Variants in KCNC4 observed in about 807,000 individuals in gnomAD.
KCNC4 encodes the protein potassium voltage-gated channel subfamily C member 4.
A neutral mutation model predicts 42.8 loss-of-function variants in KCNC4; 23 were observed. The ratio of observed to expected loss-of-function variants is 0.54; its 90% CI spans 0.39 to 0.76. The LOEUF is 0.76. Among genes scored for constraint, KCNC4 ranks in the 30% least tolerant of loss-of-function variants. KCNC4 has a pLI of 0.00. For synonymous variants in KCNC4, 422 were observed against 393.5 expected (o/e 1.07, Z -0.86); for missense variants, 751 against 898.2 (o/e 0.84, Z 2.10).
intron 1 of KCNC4, among the ~76,000 whole-genome samples, chr1:110,265,900 A>T (rs1420300266): frequency 1.3e-5 from 2 of 152,142 alleles, no homozygotes; most frequent in African/African-American, 4.8e-5. Context: ...TTGTTCATTC[A>T]TTCATTCTTT....
At chr1:110,217,447 G>A (rs748718662) in intron 1 of KCNC4, among the ~76,000 whole-genome samples, 12 of 152,152 alleles carry the variant, frequency 7.9e-5, no homozygotes, top group South Asian at 2.1e-4. Flanking sequence ...CATATGCAGC[G>A]TTAGGGAAAG....
intron 1 of KCNC4, among the ~76,000 whole-genome samples, chr1:110,257,875 G>A (rs1451243989): frequency 6.6e-6 from 1 of 152,132 alleles, no homozygotes; most frequent in African/African-American, 2.4e-5. Context: ...GACTACAGCT[G>A]GTGTGTTAGC....
At chr1:110,225,081 A>G (rs1385461931) in intron 2 of KCNC4, 3 of 152,254 alleles carry the variant, frequency 2.0e-5, no homozygotes, top group East Asian at 1.9e-4. Flanking sequence ...ATTTGTGAAT[A>G]TTAATTTCCC....
chr1:110,277,585 G>A (rs1659746548), intron 1 of KCNC4, among the ~76,000 whole-genome samples: 1 of 152,204 alleles, frequency 6.6e-6, no homozygotes, highest in South Asian at 2.1e-4. Context: ...CATGGGAGCT[G>A]AGAGTGACAG....
chr1:110,259,330 GC>G (rs1241903395), intron 1 of KCNC4, among the ~76,000 whole-genome samples: 1 of 152,220 alleles, frequency 6.6e-6, no homozygotes, highest in Non-Finnish European at 1.5e-5. Flanking sequence ...CGGTGGACAA[GC>G]AAGGATCAGT....
At chr1:110,247,707 A>T (rs903962491) in exon 4 of KCNC4, 1 of 151,784 alleles carries the variant, frequency 6.6e-6, no homozygotes, top group African/African-American at 2.4e-5. Flanking sequence ...GGTGCGTGCC[A>T]CCACGCCCGG....
chr1:110,227,944 T>C (rs947197107), intron 3 of KCNC4, among the ~76,000 whole-genome samples: 2 of 152,164 alleles, frequency 1.3e-5, no homozygotes, highest in Non-Finnish European at 2.9e-5. Flanking sequence ...CTGTCTGCTC[T>C]GTTTTCAAGA....
chr1:110,235,119 A>G (rs1309763239), downstream of KCNC4: 1 of 152,314 alleles, frequency 6.6e-6, no homozygotes, highest in East Asian at 1.9e-4. Context: ...GGACAAGAAC[A>G]CACCCGGGAG....
intron 1 of KCNC4, among the ~76,000 whole-genome samples, chr1:110,215,697 T>C (rs1657758818): frequency 6.6e-6 from 1 of 152,222 alleles, no homozygotes; most frequent in South Asian, 2.1e-4. Flanking sequence ...TCAGTTACTA[T>C]GTGGGAGGCT....
exon 4 of KCNC4, chr1:110,248,239 A>G (rs943986048): frequency 4.3e-4 from 66 of 152,268 alleles, no homozygotes; most frequent in African/African-American, 1.6e-3. Context: ...AATGTGTTAA[A>G]TAAATTATTA....
At chr1:110,271,180 C>T (rs1659627713) in intron 1 of KCNC4, among the ~76,000 whole-genome samples, 1 of 152,158 alleles carries the variant, frequency 6.6e-6, no homozygotes, top group African/African-American at 2.4e-5. Context: ...GTTAAACCTT[C>T]AGAGGTGGGA....
At chr1:110,253,280 CAT>C (rs1659275155), downstream of KCNC4, among the ~76,000 whole-genome samples, 1 of 152,238 alleles carries the variant, frequency 6.6e-6, no homozygotes, top group South Asian at 2.1e-4. Context: ...TTGTTTTGCA[CAT>C]GTGTGCCTTG....
intron 1 of KCNC4, chr1:110,272,688 T>G (rs1159399601): frequency 1.7e-5 from 2 of 120,572 alleles, no homozygotes; most frequent in African/African-American, 6.0e-5. Flanking sequence ...TATCTTACAG[T>G]TAGGGTGAGA....
At chr1:110,262,882 C>T (rs941100538) in intron 1 of KCNC4, among the ~76,000 whole-genome samples, 20 of 152,292 alleles carry the variant, frequency 1.3e-4, no homozygotes, top group African/African-American at 4.8e-4. Flanking sequence ...GTGATGAGGA[C>T]GTCCTGTCTT....
intron 2 of KCNC4, 84 bp from the exon 3 acceptor site, chr1:110,225,889 ACT>A (rs1658359099): frequency 7.8e-7 from 1 of 1,278,720 alleles, no homozygotes; most frequent in Admixed American, 2.3e-5. Flanking sequence ...AGGAAGTAAC[ACT>A]CTGGGTCTGG....
exon 4 of KCNC4, chr1:110,239,372 G>A (rs944269683): frequency 5.9e-5 from 9 of 152,088 alleles, no homozygotes; most frequent in African/African-American, 1.9e-4. Context: ...TCCTTCTCTT[G>A]GCTGAGAAGG....
At chr1:110,261,396 A>C (rs866674162) in intron 1 of KCNC4, among the ~76,000 whole-genome samples, 10 of 152,252 alleles carry the variant, frequency 6.6e-5, no homozygotes, top group Admixed American at 1.3e-4. Context: ...AATGAATATT[A>C]GGACAAAGTA....
chr1:110,228,336 G>T (rs765760995), intron 3 of KCNC4, among the ~76,000 whole-genome samples: 1 of 152,122 alleles, frequency 6.6e-6, no homozygotes, highest in Non-Finnish European at 1.5e-5. Context: ...TTACCTGGGG[G>T]CAGGACAGGA....
chr1:110,280,308 A>G (rs1372648516), intron 1 of KCNC4, among the ~76,000 whole-genome samples: 1 of 152,084 alleles, frequency 6.6e-6, no homozygotes, highest in African/African-American at 2.4e-5. Flanking sequence ...CCCTTCAAAC[A>G]GAGAGATTCT....
Sources: allele counts gnomAD v4.1 joint callset (sites outside exome capture counted in the v4.1 genomes callset), GRCh38; gene constraint gnomAD v4.1.1; transcripts MANE v1.5; gene names NCBI Gene and HGNC (gene_info 2026-07-23, HGNC 2026-07-21).